The following SYT1 variants were observed in gnomAD, a reference collection of about 807,000 sequenced individuals.
The protein encoded by SYT1 is synaptotagmin-1.
Under a neutral mutation model 44.8 loss-of-function variants are expected in SYT1, and 8 were observed. That is an observed-to-expected ratio of 0.18 (90% CI 0.10 to 0.32). The LOEUF (loss-of-function observed/expected upper bound fraction) is 0.32, where lower values mean the gene tolerates loss of function less well. SYT1 is among the 10% of genes least tolerant of loss of function. SYT1 has a pLI of 1.00. For missense variants in SYT1, 286 were observed against 509.3 expected, an observed-to-expected ratio of 0.56 and a Z score of 4.22; for synonymous variants, 154 against 188.8, an observed-to-expected ratio of 0.82 and a Z score of 1.51.
chr12:79,039,604 T>A (rs1417475786), intron 2 of SYT1, among the ~76,000 whole-genome samples: 4 of 149,066 alleles, frequency 2.7e-5, no homozygotes, highest in Non-Finnish European at 1.5e-5. Flanking sequence ...TTTTTTTATT[T>A]TTTATTTATT....
chr12:79,324,593 T>C (rs74107503), intron 8 of SYT1, among the ~76,000 whole-genome samples: 15,713 of 152,154 alleles, frequency 0.1, 1,361 homozygotes, highest in African/African-American at 0.24. Context: ...TTAATATTTG[T>C]CTTTAAGAAA....
At chr12:79,107,392 T>G (rs1444961232) in intron 3 of SYT1, among the ~76,000 whole-genome samples, 1 of 151,918 alleles carries the variant, frequency 6.6e-6, no homozygotes, top group Non-Finnish European at 1.5e-5. Context: ...AAAAATGTAG[T>G]ACAATGATGC....
chr12:78,982,110 A>G (rs902875151), intron 2 of SYT1, among the ~76,000 whole-genome samples: 1 of 152,176 alleles, frequency 6.6e-6, no homozygotes, highest in African/African-American at 2.4e-5. Context: ...AAATAGAACT[A>G]TTTGCTCATG....
chr12:78,890,046 AG>A (rs1187147145), intron 1 of SYT1, among the ~76,000 whole-genome samples: 1 of 151,974 alleles, frequency 6.6e-6, no homozygotes, highest in Non-Finnish European at 1.5e-5. Context: ...AAAAGAAAAA[AG>A]TTCAAATTTT....
At chr12:78,982,599 T>C (rs1869344288) in intron 2 of SYT1, among the ~76,000 whole-genome samples, 1 of 152,182 alleles carries the variant, frequency 6.6e-6, no homozygotes, top group Admixed American at 6.6e-5. Context: ...GTTACCTGAA[T>C]CTCTATTTGG....
chr12:79,072,342 T>A (rs1876340837), intron 3 of SYT1, among the ~76,000 whole-genome samples: 1 of 151,600 alleles, frequency 6.6e-6, no homozygotes, highest in Admixed American at 6.6e-5. Context: ...AGGAGGAGTA[T>A]TAAATGACAT....
At chr12:79,061,232 A>T (rs1875361039) in intron 3 of SYT1, among the ~76,000 whole-genome samples, 1 of 152,038 alleles carries the variant, frequency 6.6e-6, no homozygotes, top group Non-Finnish European at 1.5e-5. Flanking sequence ...AATAATCTAT[A>T]CAGTTTTTAG....
At chr12:79,146,945 A>G (rs1003239280) in intron 3 of SYT1, among the ~76,000 whole-genome samples, 1 of 152,104 alleles carries the variant, frequency 6.6e-6, no homozygotes, top group Non-Finnish European at 1.5e-5. Context: ...GGTTCAGGCC[A>G]TTCTCCTGCC....
At chr12:78,984,465 T>C (rs1869503155) in intron 2 of SYT1, among the ~76,000 whole-genome samples, 1 of 152,022 alleles carries the variant, frequency 6.6e-6, no homozygotes, top group South Asian at 2.1e-4. Context: ...TTTTTGGTCA[T>C]TGATCTTGTA....
At chr12:79,195,537 A>G (rs1000827877) in intron 3 of SYT1, among the ~76,000 whole-genome samples, 1 of 150,780 alleles carries the variant, frequency 6.6e-6, no homozygotes, top group Non-Finnish European at 1.5e-5. Flanking sequence ...AGAATACAGT[A>G]TGAATGAGCT....
chr12:78,948,178 C>T (rs1423352188), intron 1 of SYT1, among the ~76,000 whole-genome samples: 2 of 151,518 alleles, frequency 1.3e-5, no homozygotes, highest in Non-Finnish European at 3.0e-5. Context: ...ATATTAAAGG[C>T]TTTCAAAATG....
chr12:78,968,148 C>A (rs559774603), intron 1 of SYT1, among the ~76,000 whole-genome samples: 1 of 152,054 alleles, frequency 6.6e-6, no homozygotes, highest in South Asian at 2.1e-4. Flanking sequence ...AAATAGGATG[C>A]AATGTGGAAT....
chr12:79,135,494 CATAA>C (rs1337700853), intron 3 of SYT1, among the ~76,000 whole-genome samples: 2 of 152,146 alleles, frequency 1.3e-5, no homozygotes, highest in Non-Finnish European at 2.9e-5. Context: ...TTCAATAGTT[CATAA>C]ATTATTTATT....
At chr12:79,029,257 G>A (rs1322597341) in intron 2 of SYT1, among the ~76,000 whole-genome samples, 1 of 150,386 alleles carries the variant, frequency 6.6e-6, no homozygotes, top group Non-Finnish European at 1.5e-5. Context: ...AAGAGCCTGA[G>A]AAAATTACTC....
intron 1 of SYT1, among the ~76,000 whole-genome samples, chr12:78,963,498 G>T (rs1879620916): frequency 1.3e-5 from 2 of 151,962 alleles, no homozygotes; most frequent in African/African-American, 4.8e-5. Context: ...ATTTAAAAAT[G>T]GCCTAAATAC....
chr12:79,439,138 T>TAAG (rs951550980), intron 9 of SYT1, among the ~76,000 whole-genome samples: 2 of 152,200 alleles, frequency 1.3e-5, no homozygotes, highest in African/African-American at 4.8e-5. Context: ...ATAATATGCC[T>TAAG]AAGTGTATCA....
At position 79,179,354 on chromosome 12, in the gene SYT1, C is replaced by A. The variant is rs1345988043; in HGVS notation, c.-17-38149C>A. 2.8e-4 allele frequency among the ~76,000 whole-genome samples: 17 copies of A among 61,060 alleles called. 1 individual carries two copies. Among genetic ancestry groups the A allele is most frequent in the East Asian group, 1.1e-3 (2 of 1,782 alleles). 40.1% of individuals were successfully genotyped at this position (61,060 alleles called of 152,430 possible). On this transcript the variant is annotated intron_variant, in intron 3 of 10. Coordinates refer to ENST00000261205, the MANE Select transcript of SYT1 (RefSeq NM_005639.3). ...TATAGATATATCGATATGTCTATAT[C>A]GATATAGATATAGATATAGATATAG...
chr12:79,410,348 A>T (rs1024165728), intron 9 of SYT1, among the ~76,000 whole-genome samples: 3 of 152,050 alleles, frequency 2.0e-5, no homozygotes, highest in Non-Finnish European at 2.9e-5. Flanking sequence ...AGGGTCATAA[A>T]GCCATTCACA....
At chr12:78,873,594 A>G (rs1466539620) in intron 1 of SYT1, among the ~76,000 whole-genome samples, 8 of 151,746 alleles carry the variant, frequency 5.3e-5, no homozygotes, top group Non-Finnish European at 5.9e-5. Flanking sequence ...CAAGCCACCA[A>G]GTAGGGTGCA....
Sources: allele counts gnomAD v4.1 joint callset (sites outside exome capture counted in the v4.1 genomes callset), GRCh38; gene constraint gnomAD v4.1.1; transcripts MANE v1.5; gene names NCBI Gene and HGNC (gene_info 2026-07-23, HGNC 2026-07-21).